CNTNAP2: variants seen among roughly 807,000 people sequenced by gnomAD.
The protein encoded by CNTNAP2 is contactin-associated protein-like 2.
CNTNAP2 carries 98 observed loss-of-function variants against 155.2 expected under a neutral mutation model. That is an observed-to-expected ratio of 0.63 (90% confidence interval 0.54 to 0.75). The LOEUF (loss-of-function observed/expected upper bound fraction) is 0.75, where lower values mean the gene tolerates loss of function less well. Among genes scored for constraint, CNTNAP2 ranks in the 30% least tolerant of loss-of-function variants. CNTNAP2 has a pLI of 0.00. For synonymous variants in CNTNAP2, 651 were observed against 631.2 expected (o/e 1.03, Z -0.47); for missense variants, 1,727 against 1,688.1 (o/e 1.02, Z -0.40).
intron 15 of CNTNAP2, among the ~76,000 whole-genome samples, chr7:148,001,333 G>A (rs189357707): frequency 2.6e-4 from 39 of 152,242 alleles, no homozygotes; most frequent in Middle Eastern, 3.4e-3. Context: ...AGCTCTTTGC[G>A]GATAACATGG....
intron 20 of CNTNAP2, among the ~76,000 whole-genome samples, chr7:148,238,554 C>T (rs917053025): frequency 6.6e-6 from 1 of 152,122 alleles, no homozygotes; most frequent in African/African-American, 2.4e-5. Flanking sequence ...AAAATTAAGT[C>T]TTTTGAGGAT....
At chr7:146,445,763 G>A (rs1639457) in intron 1 of CNTNAP2, among the ~76,000 whole-genome samples, 5,431 of 152,252 alleles carry the variant, frequency 0.036, 345 homozygotes, top group African/African-American at 0.12. Flanking sequence ...AGAAAGAATG[G>A]ATTGGTAGTG....
chr7:147,909,498 G>A (rs886391123), intron 14 of CNTNAP2, among the ~76,000 whole-genome samples: 2 of 152,158 alleles, frequency 1.3e-5, no homozygotes, highest in Non-Finnish European at 2.9e-5. Flanking sequence ...CTGTGAGTAC[G>A]ATCACCATTT....
intron 9 of CNTNAP2, among the ~76,000 whole-genome samples, chr7:147,322,912 G>A (rs1418244525): frequency 9.1e-4 from 106 of 116,684 alleles, no homozygotes; most frequent in Non-Finnish European, 1.3e-3. Context: ...CTGTGGGATC[G>A]GTGGTGATAT....
chr7:147,183,734 C>G lies in CNTNAP2; in HGVS notation c.1348+51225C>G, dbSNP rs115165027. ...CACAGTTGAGTTCTGTGACCCTTCT[C>G]TGTCACAGACTGACTCTGGGGATAG... is the stretch of plus-strand genomic sequence containing the variant. On this transcript the variant is annotated intron_variant, in intron 8 of 23. Coordinates refer to ENST00000361727, the MANE Select transcript of CNTNAP2 (RefSeq NM_014141.6). Among the ~76,000 whole-genome samples the G allele has an allele frequency of 4.7e-3, 711 of 152,264 alleles. 11 individuals are homozygous for G. The highest frequency in any genetic ancestry group is 0.016 in the African/African-American group (680 of 41,538).
chr7:147,864,260 T>G (rs957859405), intron 13 of CNTNAP2, among the ~76,000 whole-genome samples: 2 of 152,156 alleles, frequency 1.3e-5, no homozygotes, highest in African/African-American at 4.8e-5. Flanking sequence ...TTATTTCTGA[T>G]GCCTCTGTTC....
intron 13 of CNTNAP2, among the ~76,000 whole-genome samples, chr7:147,751,662 G>A (rs1797137765): frequency 6.6e-6 from 1 of 152,246 alleles, no homozygotes; most frequent in South Asian, 2.1e-4. Context: ...AGCTGAGTAT[G>A]TGTTGATTCT....
In CNTNAP2 at chr7:148,106,493, G is replaced by GATATATAT. The variant is rs10532740; in HGVS notation, c.2384-11605_2384-11598dup. Among the ~76,000 whole-genome samples the GATATATAT allele has an allele frequency of 1.0e-2, 1,243 of 124,828 alleles. 50 individuals carry two copies. The highest frequency in any genetic ancestry group is 0.041 in the African/African-American group (1,178 of 28,910). 81.9% of individuals were successfully genotyped at this position (124,828 alleles called of 152,430 possible). On this transcript the variant is annotated intron_variant, in intron 15 of 23. Transcript: ENST00000361727. ...CACTTCAGTGTACTGCACACTTTGA[G>GATATATAT]ATATATATATATATATATATATATA...
intron 23 of CNTNAP2, among the ~76,000 whole-genome samples, chr7:148,412,969 C>A (rs776437351): frequency 6.6e-6 from 1 of 152,156 alleles, no homozygotes. Flanking sequence ...TCCTTATTTG[C>A]TTAATGTGGT....
At chr7:146,899,296 C>A (rs556333207) in intron 3 of CNTNAP2, among the ~76,000 whole-genome samples, 1 of 152,258 alleles carries the variant, frequency 6.6e-6, no homozygotes, top group South Asian at 2.1e-4. Flanking sequence ...AATTTCTTAC[C>A]CAGTTGCCAA....
At chr7:147,208,764 A>T (rs971083271) in intron 8 of CNTNAP2, among the ~76,000 whole-genome samples, 8 of 152,058 alleles carry the variant, frequency 5.3e-5, no homozygotes, top group African/African-American at 1.9e-4. Flanking sequence ...AATGTAATTC[A>T]AAAAACAATA....
intron 3 of CNTNAP2, among the ~76,000 whole-genome samples, chr7:146,921,975 C>T (rs1455819252): frequency 6.6e-6 from 1 of 151,960 alleles, no homozygotes; most frequent in Non-Finnish European, 1.5e-5. Flanking sequence ...GAAAAACATC[C>T]GTTGAATATA....
At chr7:148,099,868 G>GTTTTTTT (rs751537152) in intron 15 of CNTNAP2, among the ~76,000 whole-genome samples, 35 of 88,802 alleles carry the variant, frequency 3.9e-4, no homozygotes, top group South Asian at 8.3e-4. Flanking sequence ...TTTTTTTTTG[G>GTTTTTTT]TTTTTTTTTT....
chr7:146,742,274 T>C (rs1801731366), intron 1 of CNTNAP2, among the ~76,000 whole-genome samples: 1 of 152,158 alleles, frequency 6.6e-6, no homozygotes. Flanking sequence ...ATGTCCAGGG[T>C]AATTTTCCAT....
chr7:147,507,071 T>C (rs1562971216), intron 11 of CNTNAP2, among the ~76,000 whole-genome samples: 2 of 152,192 alleles, frequency 1.3e-5, no homozygotes, highest in Non-Finnish European at 2.9e-5. Context: ...AGACCTATTG[T>C]AGACTCTCCA....
intron 9 of CNTNAP2, among the ~76,000 whole-genome samples, chr7:147,341,769 TACACACAC>T (rs35486619): frequency 0.23 from 33,977 of 147,334 alleles, 4,110 homozygotes; most frequent in Non-Finnish European, 0.28. Context: ...CACATACACA[TACACACAC>T]ACACACACAC....
At chr7:148,222,755 T>C (rs553781152) in intron 19 of CNTNAP2, among the ~76,000 whole-genome samples, 3 of 152,288 alleles carry the variant, frequency 2.0e-5, no homozygotes, top group East Asian at 3.9e-4. Context: ...AAACACTCAG[T>C]GGTGCCCCAC....
intron 3 of CNTNAP2, among the ~76,000 whole-genome samples, chr7:146,892,438 C>G (rs189632732): frequency 6.6e-6 from 1 of 152,280 alleles, no homozygotes; most frequent in East Asian, 1.9e-4. Flanking sequence ...CAGACTTCTC[C>G]TCTCAATGAG....
chr7:147,918,481 G>T (rs918433966), intron 14 of CNTNAP2, among the ~76,000 whole-genome samples: 2 of 151,960 alleles, frequency 1.3e-5, no homozygotes, highest in South Asian at 2.1e-4. Flanking sequence ...AAAGATAATG[G>T]GTGTGTACTA....
Sources: allele counts gnomAD v4.1 joint callset (sites outside exome capture counted in the v4.1 genomes callset), GRCh38; gene constraint gnomAD v4.1.1; transcripts MANE v1.5; gene names NCBI Gene and HGNC (gene_info 2026-07-23, HGNC 2026-07-21).